The following ARHGEF18 variants were observed in gnomAD, a reference collection of about 807,000 sequenced individuals.
ARHGEF18 encodes the protein Rho/Rac guanine nucleotide exchange factor 18.
In ARHGEF18, 93 loss-of-function variants were observed where a neutral mutation model predicts 155.7. The observed-to-expected ratio is 0.60, with a 90% CI of 0.50 to 0.71. The LOEUF is 0.71. ARHGEF18 is among the 30% of genes least tolerant of loss of function. ARHGEF18 has a pLI of 0.00. For missense variants in ARHGEF18, 1,593 were observed against 1,816.1 expected, an observed-to-expected ratio of 0.88 and a Z score of 2.23; for synonymous variants, 742 against 753.1, an observed-to-expected ratio of 0.99 and a Z score of 0.24.
intron 10 of ARHGEF18, among the ~76,000 whole-genome samples, chr19:7,415,925 T>C (rs1015047289): frequency 6.6e-6 from 1 of 152,190 alleles, no homozygotes; most frequent in African/African-American, 2.4e-5. Flanking sequence ...AATCCATTCA[T>C]ATTGGTGCAG....
chr19:7,381,901 C>T (rs1035622134), intron 8 of ARHGEF18, among the ~76,000 whole-genome samples: 4 of 152,044 alleles, frequency 2.6e-5, no homozygotes, highest in African/African-American at 4.8e-5. Flanking sequence ...TTACAAAGTT[C>T]CAGAAGCCAC....
rs59887208 is a variant in ARHGEF18, at chr19:7,357,257, C to T, written c.-110-5524C>T. Reference sequence around the variant, plus strand: ...GGTTTTTAGATCCAACGGTGGATGGCGATCCTGAAGAATCAGTGTATCTGC... The same window carrying T: ...GGTTTTTAGATCCAACGGTGGATGGTGATCCTGAAGAATCAGTGTATCTGC... On this transcript the variant is annotated intron_variant, in intron 1 of 28. Coordinates refer to ENST00000668164, the MANE Select transcript of ARHGEF18 (RefSeq NM_001367823.1). Among the ~76,000 whole-genome samples, 655 of 152,234 alleles carry T rather than the reference C, an allele frequency of 4.3e-3. 30 individuals carry two copies. In the East Asian group the frequency reaches 0.11, roughly 25 times the overall value.
chr19:7,410,545 G>C (rs1030618679), intron 10 of ARHGEF18, among the ~76,000 whole-genome samples: 2 of 151,762 alleles, frequency 1.3e-5, no homozygotes, highest in African/African-American at 2.4e-5. Context: ...ATGGTGGTTC[G>C]CGCCTGTAAA....
At chr19:7,461,139 A>G (rs1568360586) in intron 20 of ARHGEF18, among the ~76,000 whole-genome samples, 1 of 150,556 alleles carries the variant, frequency 6.6e-6, no homozygotes, top group Non-Finnish European at 1.5e-5. Context: ...GTGGCCTGGT[A>G]TGGTGGCTCA....
chr19:7,458,517 A>G lies in ARHGEF18; in HGVS notation c.2187A>G (p.Ser729=). 6.2e-7 allele frequency: 1 copy of G among 1,614,038 alleles called. No homozygotes were observed. The highest frequency in any genetic ancestry group is 8.5e-7 in the Non-Finnish European group (1 of 1,179,952). The change falls in exon 19 of 29, where the codon TCA becomes TCG. Residue 729 remains serine, a synonymous_variant. Coordinates refer to ENST00000668164, the MANE Select transcript of ARHGEF18 (RefSeq NM_001367823.1). ...AATGCCCTCTACTCATGCAGGACTCAAAGCCACCCGTCATCTCGTTACAAA... is the reference window on the plus strand; with the variant it reads ...AATGCCCTCTACTCATGCAGGACTCGAAGCCACCCGTCATCTCGTTACAAA... ...DQKYVFASVD[S]KPPVISLQKL...
At position 7,466,910 on chromosome 19, in the gene ARHGEF18, C is replaced by T. The variant is rs1976657845; in HGVS notation, c.2905-8C>T. On this transcript the variant is annotated splice_region_variant and splice_polypyrimidine_tract_variant and intron_variant, in intron 23 of 28. Coordinates refer to ENST00000668164, the MANE Select transcript of ARHGEF18 (RefSeq NM_001367823.1). ...ACTCTCTCTGGTTTGACGGTGTCCT[C>T]TTCCCAGGTGGAGGCGCCAGGCACG... The T allele has an allele frequency of 6.2e-7, 1 of 1,613,132 alleles. No individual in the cohort carries two copies.
chr19:7,438,952 A>T (rs2145763162), intron 10 of ARHGEF18, among the ~76,000 whole-genome samples: 1 of 151,944 alleles, frequency 6.6e-6, no homozygotes, highest in South Asian at 2.1e-4. Flanking sequence ...CGCTCACTGC[A>T]ACCTCCGACT....
chr19:7,470,307 T>G lies in ARHGEF18; in HGVS notation c.*9T>G, dbSNP rs550316284. ...ACGTCATCTTCTTCTAAAAGGGCCG[T>G]GACTCAAGGTGCAAGGCCCCTCCCT... On this transcript the variant is annotated 3_prime_UTR_variant, in exon 29 of 29. Transcript: ENST00000668164. The surrounding 1 kb of genome is among the most constrained non-coding windows in gnomAD (Gnocchi z 5.9). 1 of 1,511,072 alleles carries G rather than the reference T, an allele frequency of 6.6e-7. No homozygotes were observed. The highest frequency in any genetic ancestry group is 1.4e-5 in the African/African-American group (1 of 70,722). The allele number at this position is 1,511,072 out of a possible 1,614,324, so 93.6% of individuals were successfully genotyped here.
intron 8 of ARHGEF18, among the ~76,000 whole-genome samples, chr19:7,382,320 T>C (rs1450272364): frequency 1.3e-5 from 2 of 151,900 alleles, no homozygotes; most frequent in Admixed American, 6.6e-5. Flanking sequence ...CGCTTGAACC[T>C]GGAGGCAGAG....
At chr19:7,401,008 C>T (rs1036811114) in intron 10 of ARHGEF18, among the ~76,000 whole-genome samples, 1 of 152,080 alleles carries the variant, frequency 6.6e-6, no homozygotes, top group Admixed American at 6.6e-5. Flanking sequence ...CTCTAATTTG[C>T]TGACGTTTCA....
At chr19:7,452,966 C>T (rs1238771598) in intron 16 of ARHGEF18, among the ~76,000 whole-genome samples, 1 of 151,766 alleles carries the variant, frequency 6.6e-6, no homozygotes, top group Non-Finnish European at 1.5e-5. Flanking sequence ...GAGGCTGAGG[C>T]AGGCGGATCA....
chr19:7,410,314 C>T (rs1048117497), intron 10 of ARHGEF18, among the ~76,000 whole-genome samples: 1 of 151,960 alleles, frequency 6.6e-6, no homozygotes, highest in African/African-American at 2.4e-5. Context: ...TTCCTCTGTC[C>T]GTCTTAGAGT....
In ARHGEF18 at chr19:7,470,257, G is replaced by A. The variant is rs754245824; in HGVS notation, c.4045G>A (p.Ala1349Thr). Reference sequence around the variant, plus strand: ...GCCACTGCCGGCCACACCACTCAGCGCCAAGGAGGACGCCAGCAAAGAAGA... The same window carrying A: ...GCCACTGCCGGCCACACCACTCAGCACCAAGGAGGACGCCAGCAAAGAAGA... ...PSPLPATPLS[A>T]KEDASKEDVI... Residue 1349 changes from alanine (A) to threonine (T), a missense_variant, in exon 29 of 29, where the codon GCC becomes ACC. Coordinates refer to ENST00000668164, the MANE Select transcript of ARHGEF18 (RefSeq NM_001367823.1). This position sits in a 1 kb window ranked among gnomAD's most constrained non-coding sequence, Gnocchi z 5.9. The A allele has an allele frequency of 1.5e-5, 23 of 1,576,374 alleles. No individual in the cohort carries two copies. The highest frequency in any genetic ancestry group is 1.7e-4 in the Middle Eastern group (1 of 5,894).
Position 7,440,285 on chromosome 19 carries a change from G to C in ARHGEF18, c.968-59G>C, listed in dbSNP as rs2145772440. 1.3e-6 allele frequency: 2 copies of C among 1,573,662 alleles called. No individual in the cohort carries two copies. Among genetic ancestry groups the C allele is most frequent in the East Asian group, 4.7e-5 (2 of 42,110 alleles). On this transcript the variant is annotated intron_variant, in intron 10 of 28. Transcript: ENST00000668164. The surrounding 1 kb of genome is among the most constrained non-coding windows in gnomAD (Gnocchi z 5.4). The stretch of plus-strand genomic sequence containing the variant: ...AGTCGGAGCGGGGCTTCCGCGCCGG[G>C]GACCTCCGCTACCCGACCCACTTTC...
At chr19:7,457,351 CTCTTTT>C (rs1440051783) in intron 18 of ARHGEF18, among the ~76,000 whole-genome samples, 1 of 126,782 alleles carries the variant, frequency 7.9e-6, no homozygotes, top group East Asian at 2.2e-4. Flanking sequence ...ATAATCACCT[CTCTTTT>C]TTTTTTTTTT....
At chr19:7,381,804 GC>G (rs2145446799) in intron 8 of ARHGEF18, among the ~76,000 whole-genome samples, 1 of 152,248 alleles carries the variant, frequency 6.6e-6, no homozygotes, top group Admixed American at 6.5e-5. Context: ...CACAGACAGG[GC>G]TGGAGGTCCC....
At chr19:7,448,174 C>T (rs1283279561) in intron 15 of ARHGEF18, among the ~76,000 whole-genome samples, 1 of 152,128 alleles carries the variant, frequency 6.6e-6, no homozygotes, top group Non-Finnish European at 1.5e-5. Flanking sequence ...GGAACTGGGC[C>T]TCCAGATCCA....
chr19:7,440,830 G>A lies in ARHGEF18; in HGVS notation c.1106+348G>A, dbSNP rs1245577666. ...CGTCCCATTATCTGTGCCTTACCTCGTTTTATAGGACTTCAAAGTGGTTCC... is the reference window on the plus strand; with the variant it reads ...CGTCCCATTATCTGTGCCTTACCTCATTTTATAGGACTTCAAAGTGGTTCC... On this transcript the variant is annotated intron_variant, in intron 11 of 28. Transcript: ENST00000668164. This position sits in a 1 kb window ranked among gnomAD's most constrained non-coding sequence, Gnocchi z 5.4. 6.6e-6 allele frequency among the ~76,000 whole-genome samples: 1 copy of A among 152,134 alleles called. No homozygotes were observed. Among genetic ancestry groups the A allele is most frequent in the Non-Finnish European group, 1.5e-5 (1 of 68,018 alleles).
At chr19:7,446,574 C>G (rs948117695) in intron 14 of ARHGEF18, among the ~76,000 whole-genome samples, 2 of 151,838 alleles carry the variant, frequency 1.3e-5, no homozygotes, top group Non-Finnish European at 2.9e-5. Context: ...AACCTGGTCT[C>G]TACTAAAAAT....
Sources: gnomAD v4.1 joint callset for allele counts (sites outside exome capture counted in the v4.1 genomes callset) on GRCh38, gnomAD v4.1.1 for gene constraint, Gnocchi (gnomAD v3.1) non-coding constraint, MANE v1.5 for transcripts, NCBI Gene and HGNC (gene_info 2026-07-23, HGNC 2026-07-21) for gene names.